Variants in RFX3 observed in about 807,000 individuals in gnomAD.
RFX3 encodes the protein regulatory factor X3.
A neutral mutation model predicts 98.6 loss-of-function variants in RFX3; 14 were observed. The ratio of observed to expected loss-of-function variants is 0.14; its 90% confidence interval spans 0.09 to 0.22. RFX3 has a LOEUF of 0.22. Among genes scored for constraint, RFX3 ranks in the 10% least tolerant of loss-of-function variants. RFX3 has a pLI of 1.00. For synonymous variants in RFX3, 383 were observed against 328.4 expected (o/e 1.17, Z -1.80); for missense variants, 639 against 926.9 (o/e 0.69, Z 4.03).
chr9:3,299,768 A>G (rs1226443785), intron 5 of RFX3, among the ~76,000 whole-genome samples: 1 of 151,802 alleles, frequency 6.6e-6, no homozygotes, highest in African/African-American at 2.4e-5. Context: ...AAAATCTCTA[A>G]CAGTTGAAAA....
chr9:3,225,467 T>C (rs913453433), intron 16 of RFX3, among the ~76,000 whole-genome samples, 187 bp from the exon 17 acceptor site: 1 of 152,216 alleles, frequency 6.6e-6, no homozygotes, highest in Non-Finnish European at 1.5e-5. Flanking sequence ...CTGATGCATC[T>C]ATAATTCTTT....
Position 3,257,038 on chromosome 9 carries a change from A to G in RFX3, c.1767T>C (p.Ser589=). 6.2e-7 allele frequency: 1 copy of G among 1,614,066 alleles called. No individual in the cohort carries two copies. Among genetic ancestry groups the G allele is most frequent in the Admixed American group, 1.7e-5 (1 of 60,016 alleles). ...GAAACTGCCTGGCGGCTTTAGGAAA[A>G]CTGGGTCTTCCTTCATAGGGTTTCA... The part of the protein sequence containing the change: ...QALKPYEGRP[S]FPKAARQFLL... Residue 589 remains serine (S), a synonymous_variant, in exon 14 of 17, where the codon AGT becomes AGC. Coordinates refer to ENST00000617270, the MANE Select transcript of RFX3 (RefSeq NM_001282116.2).
At chr9:3,384,646 G>A (rs117540544) in intron 2 of RFX3, among the ~76,000 whole-genome samples, 2 of 152,272 alleles carry the variant, frequency 1.3e-5, no homozygotes, top group East Asian at 3.9e-4. Flanking sequence ...ACTTCTGACA[G>A]AAGTAAAATG....
intron 1 of RFX3, among the ~76,000 whole-genome samples, chr9:3,450,510 CATTT>C (rs1846496641): frequency 6.6e-6 from 1 of 151,978 alleles, no homozygotes; most frequent in Admixed American, 6.6e-5. Context: ...TTAAAAAGAA[CATTT>C]TTTTAAATCT....
intron 1 of RFX3, among the ~76,000 whole-genome samples, chr9:3,424,419 T>G (rs1376014074): frequency 7.6e-6 from 1 of 131,830 alleles, no homozygotes; most frequent in Non-Finnish European, 1.5e-5. Context: ...TGGAGTGCAG[T>G]GGCGCGATCT....
intron 1 of RFX3, among the ~76,000 whole-genome samples, chr9:3,432,708 G>A (rs1328651179): frequency 6.6e-6 from 1 of 152,154 alleles, no homozygotes; most frequent in Non-Finnish European, 1.5e-5. Flanking sequence ...CCAAACCAAT[G>A]CCAGATTATG....
At chr9:3,293,665 G>C (rs1163281582) in intron 5 of RFX3, among the ~76,000 whole-genome samples, 1 of 152,102 alleles carries the variant, frequency 6.6e-6, no homozygotes, top group Non-Finnish European at 1.5e-5. Context: ...TATGTCTTTA[G>C]TGTTGGCTTA....
intron 11 of RFX3, among the ~76,000 whole-genome samples, chr9:3,266,530 G>T (rs1439237018): frequency 6.6e-6 from 1 of 151,720 alleles, no homozygotes; most frequent in African/African-American, 2.4e-5. Flanking sequence ...AGATACTTAT[G>T]ACGCTTTTTT....
chr9:3,399,252 C>T (rs1277127920), intron 1 of RFX3, among the ~76,000 whole-genome samples: 8 of 143,188 alleles, frequency 5.6e-5, no homozygotes, highest in South Asian at 2.2e-4. Context: ...CTGGACAATA[C>T]GGTGAAACCC....
rs527885138 is a variant in RFX3 at position 3,484,769 on chromosome 9, A to G, written c.-9+40978T>C. Among the ~76,000 whole-genome samples the G allele has an allele frequency of 3.0e-4, 45 of 152,292 alleles. No individual in the cohort carries two copies. The South Asian group carries it at 7.0e-3, about 24-fold the overall frequency. Reference sequence around the variant, plus strand: ...AAGTTTTTGTTGCCTACCACAGAATATAGTAAAATTTGGGCAGTTAAATAG... The same window carrying G: ...AAGTTTTTGTTGCCTACCACAGAATGTAGTAAAATTTGGGCAGTTAAATAG... On this transcript the variant is annotated intron_variant, in intron 1 of 16. Transcript: ENST00000617270.
chr9:3,362,513 C>A (rs1352600849), intron 2 of RFX3, among the ~76,000 whole-genome samples: 1 of 152,088 alleles, frequency 6.6e-6, no homozygotes, highest in African/African-American at 2.4e-5. Context: ...AGGTTCAAAT[C>A]CAATAAACAT....
chr9:3,512,837 T>G (rs886301929), intron 1 of RFX3, among the ~76,000 whole-genome samples: 2 of 152,044 alleles, frequency 1.3e-5, no homozygotes, highest in African/African-American at 4.8e-5. Context: ...TCCATCTTAT[T>G]TTTATCTTTA....
intron 15 of RFX3, among the ~76,000 whole-genome samples, chr9:3,244,917 G>A (rs2130912342): frequency 6.6e-6 from 1 of 152,220 alleles, no homozygotes; most frequent in East Asian, 1.9e-4. Context: ...CTTTGGCATA[G>A]AGTATCTGCA....
At chr9:3,355,334 G>C (rs541660393) in intron 2 of RFX3, among the ~76,000 whole-genome samples, 11 of 151,686 alleles carry the variant, frequency 7.3e-5, no homozygotes, top group East Asian at 3.9e-4. Flanking sequence ...TAAATATACA[G>C]AAACAGGTTA....
At chr9:3,380,395 G>A (rs1333570826) in intron 2 of RFX3, among the ~76,000 whole-genome samples, 6 of 152,012 alleles carry the variant, frequency 3.9e-5, no homozygotes, top group African/African-American at 1.2e-4. Context: ...CATTCTTTAT[G>A]TCATCTTCTG....
chr9:3,494,875 G>A (rs1006916514), intron 1 of RFX3, among the ~76,000 whole-genome samples: 3 of 151,916 alleles, frequency 2.0e-5, no homozygotes, highest in African/African-American at 4.8e-5. Context: ...AGGGCCTCCA[G>A]GGGTCTTCCA....
chr9:3,225,395 T>C, intron 16 of RFX3, 115 bp from the exon 17 acceptor site: 2 of 1,443,184 alleles, frequency 1.4e-6, no homozygotes, highest in Middle Eastern at 1.9e-4. Context: ...AGCTTAGCTC[T>C]TCTCAGGAAA....
intron 2 of RFX3, among the ~76,000 whole-genome samples, chr9:3,358,571 C>A (rs1173235210): frequency 6.6e-6 from 1 of 152,054 alleles, no homozygotes; most frequent in Admixed American, 6.6e-5. Flanking sequence ...ACACTACCTA[C>A]CAAGTTAACG....
intron 16 of RFX3, among the ~76,000 whole-genome samples, chr9:3,226,739 G>T (rs573668352): frequency 6.6e-6 from 1 of 152,300 alleles, no homozygotes; most frequent in African/African-American, 2.4e-5. Flanking sequence ...TTCATCAAGA[G>T]GGTATACTTG....
Sources: gnomAD v4.1 joint callset for allele counts (sites outside exome capture counted in the v4.1 genomes callset) on GRCh38, gnomAD v4.1.1 for gene constraint, MANE v1.5 for transcripts, NCBI Gene and HGNC (gene_info 2026-07-23, HGNC 2026-07-21) for gene names.